The following DAND5 variants were observed in gnomAD, a reference collection of about 807,000 sequenced individuals.
DAND5 encodes the protein DAN domain family member 5.
DAND5 carries 8 observed loss-of-function variants against 9.2 expected under a neutral mutation model. That is an observed-to-expected ratio of 0.87 (90% CI 0.51 to 1.56). The LOEUF is 1.56. DAND5 is among the 40% of genes most tolerant of loss of function. The pLI is 0.00. For synonymous variants in DAND5, 95 were observed against 101.1 expected (o/e 0.94, Z 0.36); for missense variants, 244 against 244.7 (o/e 1.00, Z 0.02).
Position 12,973,939 on chromosome 19 carries a change from T to C in DAND5, c.*305T>C. On this transcript the variant is annotated 3_prime_UTR_variant, in exon 2 of 2. Coordinates refer to ENST00000317060, the MANE Select transcript of DAND5 (RefSeq NM_152654.3). ...GTGCAGTGGCGCAATCTCAGCTCAC[T>C]GCAAGCTCCACCTCCCGGGTTTATG... 3.5e-6 allele frequency: 1 copy of C among 284,748 alleles called. No individual in the cohort carries two copies. Among genetic ancestry groups the C allele is most frequent in the South Asian group, 4.3e-5 (1 of 23,472 alleles). 17.6% of individuals were successfully genotyped at this position (284,748 alleles called of 1,614,324 possible). A position where few individuals can be genotyped will look rare whatever the true frequency, so the allele number is the denominator to read the frequency against.
chr19:12,969,768 A>T lies in DAND5; in HGVS notation c.108A>T (p.Ala36=). Residue 36 remains alanine (A), a synonymous_variant, in exon 1 of 2, where the codon GCA becomes GCT. Coordinates refer to ENST00000317060, the MANE Select transcript of DAND5 (RefSeq NM_152654.3). ...CTCCTCGACCTCAGTCCTGGGCTGC[A>T]GCCAATCAGACCTGGGCTCTGGGCC... is the stretch of plus-strand genomic sequence containing the variant. ...PQSPRPQSWA[A]ANQTWALGPG... is the part of the protein sequence containing the mutation. 6.3e-7 allele frequency: 1 copy of T among 1,587,940 alleles called. No homozygotes were observed. The highest frequency in any genetic ancestry group is 1.2e-5 in the South Asian group (1 of 86,304).
rs776011842 is a variant in DAND5 at position 12,969,837 on chromosome 19, C to A, written c.177C>A (p.Ser59Arg). The A allele has an allele frequency of 1.2e-6, 2 of 1,612,526 alleles. No homozygotes were observed. The highest frequency in any genetic ancestry group is 1.7e-6 in the Non-Finnish European group (2 of 1,179,228). Residue 59 changes from serine (S) to arginine (R), a missense_variant, in exon 1 of 2, where the codon AGC becomes AGA. Physicochemically the swap from Ser to Arg is moderately radical, Grantham distance 110. Transcript: ENST00000317060. ...PPLVPASALG[S>R]WKAFLGLQKA... is the part of the protein sequence containing the mutation. ...TGGTGCCAGCTTCTGCCCTTGGGAG[C>A]TGGAAGGCCTTCTTGGGCCTGCAGA...
chr19:12,972,294 C>T (rs888518151), intron 1 of DAND5, among the ~76,000 whole-genome samples: 4 of 151,988 alleles, frequency 2.6e-5, no homozygotes, highest in South Asian at 2.1e-4. Context: ...CTCCTGACTT[C>T]GTGATCTGCC....
At chr19:12,973,139 G>C (rs1228834961) in intron 1 of DAND5, among the ~76,000 whole-genome samples, 2 of 152,172 alleles carry the variant, frequency 1.3e-5, no homozygotes, top group Non-Finnish European at 2.9e-5. Flanking sequence ...TGGGATTACA[G>C]GCGTGAGCCA....
intron 1 of DAND5, among the ~76,000 whole-genome samples, chr19:12,973,046 T>C (rs1319422306): frequency 5.3e-5 from 8 of 151,362 alleles, no homozygotes; most frequent in Admixed American, 5.3e-4. Flanking sequence ...GTATTTTTAG[T>C]AGAGACGGGG....
chr19:12,973,612 G>T lies in DAND5; in HGVS notation c.548G>T (p.Cys183Phe). ...ATATCCACCATGCTGATCGAGGGGTGTCACTGCAGCCCAAAAGCATGAACT... is the reference window on the plus strand; with the variant it reads ...ATATCCACCATGCTGATCGAGGGGTTTCACTGCAGCCCAAAAGCATGAACT... ...VKISTMLIEG[C>F]HCSPKA The change falls in exon 2 of 2, where the codon TGT becomes TTT. Residue 183 changes from cysteine to phenylalanine, a missense_variant. Physicochemically the swap from Cys to Phe is radical, Grantham distance 205. Coordinates refer to ENST00000317060, the MANE Select transcript of DAND5 (RefSeq NM_152654.3). The T allele has an allele frequency of 6.2e-7, 1 of 1,614,044 alleles. No individual in the cohort carries two copies. Among genetic ancestry groups the T allele is most frequent in the Non-Finnish European group, 8.5e-7 (1 of 1,180,000 alleles).
In DAND5 at chr19:12,969,660, G is replaced by A. The variant is rs2011136499; in HGVS notation, c.-1G>A. The stretch of plus-strand genomic sequence containing the variant: ...AGGCAGACAGACGCACGGACAAGCA[G>A]ATGCTCCTTGGCCAGCTATCCACTC... On this transcript the variant is annotated 5_prime_UTR_variant, in exon 1 of 2. Coordinates refer to ENST00000317060, the MANE Select transcript of DAND5 (RefSeq NM_152654.3). 1.3e-6 allele frequency: 2 copies of A among 1,599,192 alleles called. No homozygotes were observed. The highest frequency in any genetic ancestry group is 1.1e-5 in the South Asian group (1 of 88,542).
intron 1 of DAND5, chr19:12,970,483 T>C (rs1433166388): frequency 5.7e-6 from 4 of 702,026 alleles, no homozygotes; most frequent in Non-Finnish European, 1.0e-5. Flanking sequence ...CCCAAGCTAG[T>C]CTTGAGCTTC....
intron 1 of DAND5, among the ~76,000 whole-genome samples, chr19:12,972,628 C>T (rs2011150960): frequency 6.6e-6 from 1 of 151,796 alleles, no homozygotes; most frequent in Admixed American, 6.6e-5. Flanking sequence ...GCAACCTTCA[C>T]CTCCCAGGTT....
rs1043811766 is a variant in DAND5 at position 12,974,485 on chromosome 19, A to G, written c.*851A>G. The G allele has an allele frequency of 7.3e-5, 11 of 150,898 alleles. No individual in the cohort carries two copies. Among genetic ancestry groups the G allele is most frequent in the African/African-American group, 2.4e-4 (10 of 40,892 alleles). 9.3% of individuals were successfully genotyped at this position (150,898 alleles called of 1,614,324 possible). On this transcript the variant is annotated 3_prime_UTR_variant, in exon 2 of 2. Transcript: ENST00000317060. ...AGGGAGGGTAGATGGCCCCACCCAGACCGAGAGACACAGTGATGACCTCAG... is the reference window on the plus strand; with the variant it reads ...AGGGAGGGTAGATGGCCCCACCCAGGCCGAGAGACACAGTGATGACCTCAG...
chr19:12,970,403 C>T (rs745437743), intron 1 of DAND5: 1 of 696,284 alleles, frequency 1.4e-6, no homozygotes, highest in South Asian at 1.5e-5. Context: ...TGCTTCTACA[C>T]ATCAGCCTCC....
intron 1 of DAND5, among the ~76,000 whole-genome samples, chr19:12,972,834 C>T (rs1481377549): frequency 6.6e-6 from 1 of 151,424 alleles, no homozygotes; most frequent in Non-Finnish European, 1.5e-5. Flanking sequence ...AGCCACCACA[C>T]CTGGCTGTCT....
intron 1 of DAND5, among the ~76,000 whole-genome samples, chr19:12,970,277 T>TC (rs2011139750): frequency 6.6e-6 from 1 of 151,432 alleles, no homozygotes; most frequent in East Asian, 1.9e-4. Context: ...CTTGCATGGC[T>TC]CCCACTTTAC....
In DAND5 at chr19:12,973,788, C is replaced by G. The variant is rs976571237; in HGVS notation, c.*154C>G. 2.1e-5 allele frequency: 23 copies of G among 1,121,520 alleles called. No individual in the cohort carries two copies. The African/African-American group carries it at 3.3e-4, about 16-fold the overall frequency. 69.5% of individuals were successfully genotyped at this position (1,121,520 alleles called of 1,614,324 possible). A position where few individuals can be genotyped will look rare whatever the true frequency, so the allele number is the denominator to read the frequency against. On this transcript the variant is annotated 3_prime_UTR_variant, in exon 2 of 2. Transcript: ENST00000317060. ...AGGTCCCCAGAGTCCTCACCCTGCT[C>G]CCCAGACAGTAGACACAGTGCCCGT...
chr19:12,971,573 G>A (rs187712404), intron 1 of DAND5, among the ~76,000 whole-genome samples: 100 of 151,848 alleles, frequency 6.6e-4, no homozygotes, highest in South Asian at 5.2e-3. Flanking sequence ...CACTGCACCC[G>A]GCCTTCTTTA....
chr19:12,970,557 G>C, intron 1 of DAND5: 1 of 519,968 alleles, frequency 1.9e-6, no homozygotes, highest in Non-Finnish European at 3.5e-6. Flanking sequence ...TCTCTTGCTT[G>C]ATATACCAAC....
rs191208589 is a variant in DAND5 at position 12,969,622 on chromosome 19, C to T, written c.-39C>T. On this transcript the variant is annotated 5_prime_UTR_variant, in exon 1 of 2. Coordinates refer to ENST00000317060, the MANE Select transcript of DAND5 (RefSeq NM_152654.3). ...ACTGCTAGTGACCTTGAGCCCAGTC[C>T]GGACAGACAGACAGGCAGACAGACG... 2.7e-3 allele frequency: 4,160 copies of T among 1,559,264 alleles called. 7 individuals are homozygous for T. The highest frequency in any genetic ancestry group is 3.3e-3 in the Non-Finnish European group (3,816 of 1,156,288).
rs868422472 is a variant in DAND5 at position 12,969,884 on chromosome 19, G to A, written c.224G>A (p.Gly75Asp). 1.2e-6 allele frequency: 2 copies of A among 1,614,144 alleles called. No individual in the cohort carries two copies. The highest frequency in any genetic ancestry group is 8.5e-7 in the Non-Finnish European group (1 of 1,180,006). ...GLQKARQLGM[G>D]RLQRGQDEVA... Reference sequence around the variant, plus strand: ...CAGAAAGCCAGGCAGCTGGGGATGGGCAGGCTGCAGCGTGGGCAAGACGAG... The same window carrying A: ...CAGAAAGCCAGGCAGCTGGGGATGGACAGGCTGCAGCGTGGGCAAGACGAG... Residue 75 changes from glycine (G) to aspartate (D), a missense_variant, in exon 1 of 2, where the codon GGC becomes GAC. Transcript: ENST00000317060.
At chr19:12,973,250 AGAGTCAG>A in intron 1 of DAND5, 132 bp from the exon 2 acceptor site, 1 of 1,190,734 alleles carries the variant, frequency 8.4e-7, no homozygotes, top group Non-Finnish European at 1.2e-6. Flanking sequence ...AAGAGACAGC[AGAGTCAG>A]GATTTGAACC....
Sources: gnomAD v4.1 joint callset for allele counts (sites outside exome capture counted in the v4.1 genomes callset) on GRCh38, gnomAD v4.1.1 for gene constraint, MANE v1.5 for transcripts, NCBI Gene and HGNC (gene_info 2026-07-23, HGNC 2026-07-21) for gene names.